The following TLN2 variants were observed in gnomAD, a reference collection of about 807,000 sequenced individuals.
TLN2 encodes talin-2.
TLN2 carries 118 observed loss-of-function variants against 294.7 expected under a neutral mutation model. That is an observed-to-expected ratio of 0.40 (90% CI 0.34 to 0.47). The LOEUF (loss-of-function observed/expected upper bound fraction) is 0.47. Among genes scored for constraint, TLN2 ranks in the 20% least tolerant of loss-of-function variants. The pLI is 0.84. For synonymous variants in TLN2, 1,431 were observed against 1,304.5 expected (o/e 1.10, Z -2.09); for missense variants, 3,083 against 3,282.2 (o/e 0.94, Z 1.48).
Position 62,552,062 on chromosome 15 carries a change from G to T in TLN2, c.-237-37625G>T, listed in dbSNP as rs117691504. Among the ~76,000 whole-genome samples the T allele has an allele frequency of 1.1e-3, 173 of 152,296 alleles. 5 individuals are homozygous for T. The East Asian group carries it at 0.032, about 28-fold the overall frequency. On this transcript the variant is annotated intron_variant, in intron 1 of 58. Transcript: ENST00000636159. ...TTTTTGAGTCAGGTACTTCTTTGTT[G>T]TCGTGGGCTGTCTTGGGCTTTGCTG...
intron 45 of TLN2, among the ~76,000 whole-genome samples, chr15:62,785,535 C>A (rs2064569342): frequency 6.6e-6 from 1 of 151,818 alleles, no homozygotes; most frequent in African/African-American, 2.4e-5. Context: ...GCCTGTAATC[C>A]CAGCTACTTA....
At chr15:62,653,093 G>A in intron 6 of TLN2, 69 bp from the exon 7 acceptor site, 1 of 1,328,696 alleles carries the variant, frequency 7.5e-7, no homozygotes, top group Non-Finnish European at 1.0e-6. Flanking sequence ...GAATATCACA[G>A]GCCTTAGGCT....
At chr15:62,741,883 C>T (rs1056999542) in intron 32 of TLN2, among the ~76,000 whole-genome samples, 1 of 151,962 alleles carries the variant, frequency 6.6e-6, no homozygotes, top group African/African-American at 2.4e-5. Context: ...GGTCAGGTTG[C>T]TCAGCCTGTC....
At chr15:62,642,417 A>G (rs2051225540) in intron 3 of TLN2, among the ~76,000 whole-genome samples, 1 of 152,242 alleles carries the variant, frequency 6.6e-6, no homozygotes, top group Admixed American at 6.5e-5. Context: ...CTAACCTCAG[A>G]GTCTGCACCA....
At chr15:62,685,110 A>G (rs1435226411) in intron 11 of TLN2, among the ~76,000 whole-genome samples, 1 of 152,028 alleles carries the variant, frequency 6.6e-6, no homozygotes, top group Non-Finnish European at 1.5e-5. Flanking sequence ...AAAAAATAAT[A>G]CAAAACACAT....
At chr15:62,651,894 A>G (rs1281481913) in intron 5 of TLN2, 111 bp from the exon 6 acceptor site, 4 of 1,266,896 alleles carry the variant, frequency 3.2e-6, no homozygotes, top group Non-Finnish European at 4.2e-6. Flanking sequence ...AGAAAGGGAA[A>G]ATCAGAGTCT....
intron 1 of TLN2, among the ~76,000 whole-genome samples, chr15:62,543,357 CAG>C (rs934070499): frequency 3.0e-4 from 45 of 152,316 alleles, no homozygotes; most frequent in African/African-American, 1.0e-3. Flanking sequence ...AGCTCTAGGA[CAG>C]GGGCCGGAGA....
chr15:62,453,792 T>G (rs1199376814), intron 1 of TLN2: 1 of 152,382 alleles, frequency 6.6e-6, no homozygotes. Flanking sequence ...TGTGTGGCTG[T>G]TTTTCACTTA....
chr15:62,674,591 C>G lies in TLN2; in HGVS notation c.853-626C>G, dbSNP rs542134229. Among the ~76,000 whole-genome samples the G allele has an allele frequency of 1.3e-3, 197 of 150,606 alleles. 1 individual carries two copies. The highest frequency in any genetic ancestry group is 8.1e-3 in the East Asian group (41 of 5,078). ...TCACTGCAACCTCCGTACCTCCCCC[C>G]GCCCTGTTCAAGTGATTCTTGTGCC... On this transcript the variant is annotated intron_variant, in intron 10 of 58. Transcript: ENST00000636159.
chr15:62,696,459 C>G (rs1430316828), intron 14 of TLN2, among the ~76,000 whole-genome samples: 1 of 152,224 alleles, frequency 6.6e-6, no homozygotes, highest in East Asian at 1.9e-4. Flanking sequence ...GTATTCCCAG[C>G]ACTTTGGGAG....
At chr15:62,590,798 G>A (rs1567154688) in intron 2 of TLN2, among the ~76,000 whole-genome samples, 1 of 152,162 alleles carries the variant, frequency 6.6e-6, no homozygotes, top group Non-Finnish European at 1.5e-5. Context: ...TTACTCGGTA[G>A]CTGTATCATG....
In TLN2 at chr15:62,822,022, G is replaced by C. The variant is rs185663379; in HGVS notation, c.7002+1412G>C. Among the ~76,000 whole-genome samples the C allele has an allele frequency of 2.3e-3, 351 of 152,260 alleles. 1 individual carries two copies. The highest frequency in any genetic ancestry group is 3.7e-3 in the Non-Finnish European group (252 of 68,026). ...CGAAGCCATGTCAGTTGACACATTC[G>C]TTCTCCTGGAGAATTAGCCTGGTGC... On this transcript the variant is annotated intron_variant, in intron 54 of 58. Transcript: ENST00000636159.
chr15:62,765,157 A>G (rs1050065908), intron 40 of TLN2, among the ~76,000 whole-genome samples: 1 of 151,900 alleles, frequency 6.6e-6, no homozygotes, highest in African/African-American at 2.4e-5. Context: ...TAATTTAACA[A>G]ACCATCTGTA....
intron 1 of TLN2, among the ~76,000 whole-genome samples, chr15:62,418,953 C>T (rs2034236642): frequency 6.6e-6 from 1 of 152,158 alleles, no homozygotes; most frequent in Non-Finnish European, 1.5e-5. Context: ...GATATGATGG[C>T]TTAGCTTGGG....
intron 48 of TLN2, among the ~76,000 whole-genome samples, chr15:62,799,086 T>C (rs2065739260): frequency 6.6e-6 from 1 of 152,194 alleles, no homozygotes; most frequent in African/African-American, 2.4e-5. Context: ...TAGATGGGGC[T>C]AGCAAGCTAA....
At chr15:62,498,992 A>G (rs1450588887) in intron 1 of TLN2, among the ~76,000 whole-genome samples, 1 of 152,194 alleles carries the variant, frequency 6.6e-6, no homozygotes, top group East Asian at 1.9e-4. Flanking sequence ...AAGACCAAGA[A>G]GATATGGTCT....
At chr15:62,454,792 A>G (rs1211728691) in intron 1 of TLN2, among the ~76,000 whole-genome samples, 3 of 152,126 alleles carry the variant, frequency 2.0e-5, no homozygotes, top group Non-Finnish European at 2.9e-5. Context: ...TCGGCCCTTT[A>G]GAGGAGTGGC....
intron 1 of TLN2, among the ~76,000 whole-genome samples, chr15:62,582,192 G>GCACACACACACACACACA (rs1567138203): frequency 5.2e-5 from 2 of 38,638 alleles, no homozygotes; most frequent in African/African-American, 7.9e-5. Flanking sequence ...GCATGTGTAT[G>GCACACACACACACACACA]CATACACACA....
At chr15:62,772,666 TA>T (rs60318721) in intron 42 of TLN2, among the ~76,000 whole-genome samples, 27,306 of 102,038 alleles carry the variant, frequency 0.27, 2,904 homozygotes, top group African/African-American at 0.36. Flanking sequence ...TTTATTTATT[TA>T]TTTTTTTTTT....
Sources: allele counts gnomAD v4.1 joint callset (sites outside exome capture counted in the v4.1 genomes callset), GRCh38; gene constraint gnomAD v4.1.1; transcripts MANE v1.5; gene names NCBI Gene and HGNC (gene_info 2026-07-23, HGNC 2026-07-21).